Variants in EYS observed in about 807,000 individuals in gnomAD.
EYS encodes EGF-like photoreceptor maintenance factor, also known as protein eyes shut homolog.
In EYS, 250 loss-of-function variants were observed where a neutral mutation model predicts 282.1. That is an observed-to-expected ratio of 0.89 (90% CI 0.80 to 0.98). The LOEUF (loss-of-function observed/expected upper bound fraction) is 0.98, where lower values mean the gene tolerates loss of function less well. EYS is among the 50% of genes least tolerant of loss of function. EYS has a pLI of 0.00. For missense variants in EYS, 4,016 were observed against 3,709.0 expected, an observed-to-expected ratio of 1.08 and a Z score of -2.15; for synonymous variants, 1,355 against 1,282.9, an observed-to-expected ratio of 1.06 and a Z score of -1.20.
chr6:65,101,280 T>C (rs1774885852), intron 12 of EYS, among the ~76,000 whole-genome samples: 1 of 151,228 alleles, frequency 6.6e-6, no homozygotes, highest in Non-Finnish European at 1.5e-5. Context: ...AATTAGTTAA[T>C]GAGCCACTAC....
intron 26 of EYS, among the ~76,000 whole-genome samples, chr6:64,559,275 G>GTC (rs1272269327): frequency 1.4e-5 from 2 of 146,574 alleles, no homozygotes; most frequent in African/African-American, 5.2e-5. Flanking sequence ...GTGTGCATGT[G>GTC]TGTGTGTGTG....
intron 26 of EYS, among the ~76,000 whole-genome samples, chr6:64,464,811 T>C (rs944093307): frequency 6.6e-6 from 1 of 152,010 alleles, no homozygotes; most frequent in Non-Finnish European, 1.5e-5. Flanking sequence ...AAAAAATATT[T>C]CATCTTGGTT....
At chr6:64,048,915 T>C (rs72875100) in intron 33 of EYS, among the ~76,000 whole-genome samples, 32,119 of 151,950 alleles carry the variant, frequency 0.21, 3,620 homozygotes, top group Middle Eastern at 0.34. Flanking sequence ...TTTCCCCCCC[T>C]AGATGTTTGC....
chr6:64,978,301 C>T (rs1390395893), intron 14 of EYS, among the ~76,000 whole-genome samples: 1 of 151,866 alleles, frequency 6.6e-6, no homozygotes, highest in Non-Finnish European at 1.5e-5. Context: ...TCCAGTCTTC[C>T]TATGCTCTAT....
intron 29 of EYS, among the ~76,000 whole-genome samples, chr6:64,323,338 T>C (rs1770288318): frequency 1.3e-5 from 2 of 152,270 alleles, no homozygotes; most frequent in Admixed American, 1.3e-4. Flanking sequence ...CTCTATGTTG[T>C]AACATGTATC....
At chr6:64,976,425 T>C (rs766202126) in intron 14 of EYS, among the ~76,000 whole-genome samples, 3 of 151,932 alleles carry the variant, frequency 2.0e-5, no homozygotes, top group Non-Finnish European at 4.4e-5. Context: ...TTACTTCTTA[T>C]AATTCTGGTG....
chr6:64,822,547 G>C, intron 20 of EYS, 104 bp downstream of exon 20: 2 of 979,142 alleles, frequency 2.0e-6, no homozygotes, highest in Non-Finnish European at 3.0e-6. Context: ...TTTTATGAAA[G>C]AGCATAATTA....
intron 41 of EYS, among the ~76,000 whole-genome samples, chr6:63,750,606 C>G (rs1439744839): frequency 6.6e-6 from 1 of 152,182 alleles, no homozygotes; most frequent in African/African-American, 2.4e-5. Context: ...CTCAGACAAG[C>G]CAGAACATTG....
chr6:64,703,410 C>CACACAT (rs1447947508), intron 22 of EYS, among the ~76,000 whole-genome samples: 19 of 51,542 alleles, frequency 3.7e-4, no homozygotes, highest in African/African-American at 1.1e-3. Context: ...CACACACACA[C>CACACAT]ATATATATAT....
intron 1 of EYS, among the ~76,000 whole-genome samples, chr6:65,666,288 T>G (rs1386152641): frequency 6.6e-6 from 1 of 151,794 alleles, no homozygotes; most frequent in Non-Finnish European, 1.5e-5. Context: ...TTGGCCAATA[T>G]TTACTTATTT....
At position 65,217,902 on chromosome 6, in the gene EYS, T is replaced by G. The variant is rs151143834; in HGVS notation, c.2023+77961A>C. 3.9e-3 allele frequency among the ~76,000 whole-genome samples: 600 copies of G among 152,182 alleles called. 3 individuals carry two copies. The highest frequency in any genetic ancestry group is 0.014 in the African/African-American group (575 of 41,574). On this transcript the variant is annotated intron_variant, in intron 12 of 42. Coordinates refer to ENST00000503581, the MANE Select transcript of EYS (RefSeq NM_001142800.2). ...ATTTAAATATACACTAAAAATATTC[T>G]GACTTGCTGTGTGGAGATTGAAGAG... is the stretch of plus-strand genomic sequence containing the variant.
intron 26 of EYS, among the ~76,000 whole-genome samples, chr6:64,547,751 G>C (rs959697619): frequency 5.9e-5 from 9 of 152,242 alleles, no homozygotes; most frequent in African/African-American, 1.7e-4. Context: ...GGTGGTCGAT[G>C]GGACTGGGCG....
At position 64,016,111 on chromosome 6, in the gene EYS, A is replaced by G. The variant is rs543081975; in HGVS notation, c.6726-16928T>C. Among the ~76,000 whole-genome samples, 46 of 152,274 alleles carry G rather than the reference A, an allele frequency of 3.0e-4. 1 individual carries two copies. The highest frequency in any genetic ancestry group is 1.0e-3 in the African/African-American group (42 of 41,548). The stretch of plus-strand genomic sequence containing the variant: ...CTCTGTCCTGCCTCCTATTAAAAGC[A>G]ATGCAACCAATCAGGACAGACTGGA... On this transcript the variant is annotated intron_variant, in intron 33 of 42. Coordinates refer to ENST00000503581, the MANE Select transcript of EYS (RefSeq NM_001142800.2).
At chr6:63,989,462 T>C (rs1371062081) in intron 34 of EYS, among the ~76,000 whole-genome samples, 2 of 151,648 alleles carry the variant, frequency 1.3e-5, no homozygotes, top group Non-Finnish European at 3.0e-5. Flanking sequence ...TCCCATTCTT[T>C]TGCAGTTAAA....
At chr6:65,157,879 C>G (rs1399318082) in intron 12 of EYS, among the ~76,000 whole-genome samples, 1 of 150,530 alleles carries the variant, frequency 6.6e-6, no homozygotes, top group African/African-American at 2.4e-5. Context: ...CATTAAGGTA[C>G]TGTTCTTGAG....
chr6:65,507,656 G>T (rs906399459), intron 2 of EYS, among the ~76,000 whole-genome samples: 3 of 151,914 alleles, frequency 2.0e-5, no homozygotes, highest in Admixed American at 6.6e-5. Flanking sequence ...TTTAGTTTGG[G>T]AAATTTCTGT....
chr6:64,884,899 A>T (rs1461666664), intron 19 of EYS, among the ~76,000 whole-genome samples: 1 of 151,666 alleles, frequency 6.6e-6, no homozygotes, highest in East Asian at 1.9e-4. Context: ...AGTTTTGCTC[A>T]GTGACATATT....
chr6:63,914,147 C>T (rs954027741), intron 35 of EYS, among the ~76,000 whole-genome samples: 1 of 152,118 alleles, frequency 6.6e-6, no homozygotes, highest in Non-Finnish European at 1.5e-5. Context: ...CTAGGACTCC[C>T]TATACCCCAA....
intron 5 of EYS, among the ~76,000 whole-genome samples, chr6:65,465,640 A>C (rs191299885): frequency 4.3e-4 from 66 of 152,308 alleles, no homozygotes; most frequent in African/African-American, 1.6e-3. Context: ...GAGATAAATA[A>C]ATATATTTTT....
Sources: allele counts gnomAD v4.1 joint callset (sites outside exome capture counted in the v4.1 genomes callset), GRCh38; gene constraint gnomAD v4.1.1; transcripts MANE v1.5; gene names NCBI Gene and HGNC (gene_info 2026-07-23, HGNC 2026-07-21).